Variants in RUNX1 observed in about 807,000 individuals in gnomAD.
The protein encoded by RUNX1 is RUNX family transcription factor 1.
Under a neutral mutation model 42.8 loss-of-function variants are expected in RUNX1, and 19 were observed. The observed-to-expected ratio is 0.44, with a 90% CI of 0.31 to 0.65. The LOEUF (loss-of-function observed/expected upper bound fraction) is 0.65, where lower values mean the gene tolerates loss of function less well. Among genes scored for constraint, RUNX1 ranks in the 30% least tolerant of loss-of-function variants. RUNX1 has a pLI of 0.07. For synonymous variants in RUNX1, 271 were observed against 289.4 expected (o/e 0.94, Z 0.64); for missense variants, 528 against 672.0 (o/e 0.79, Z 2.37).
chr21:34,886,855 G>A lies in RUNX1; in HGVS notation c.339C>T (p.Pro113=). 2 of 1,613,452 alleles carry A rather than the reference G, an allele frequency of 1.2e-6. No homozygotes were observed. Among genetic ancestry groups the A allele is most frequent in the Non-Finnish European group, 8.5e-7 (1 of 1,179,772 alleles). ...PTHWRCNKTL[P]IAFKVVALGD... is the part of the protein sequence containing the mutation. ...TCCGGGCCAGTACCTTGAAAGCGAT[G>A]GGCAGGGTCTTGTTGCAGCGCCAGT... Residue 113 remains proline, a synonymous_variant, in exon 4 of 9, where the codon CCC becomes CCT. Transcript: ENST00000675419.
At chr21:34,943,833 T>C (rs1002386980) in intron 2 of RUNX1, among the ~76,000 whole-genome samples, 2 of 152,176 alleles carry the variant, frequency 1.3e-5, no homozygotes, top group African/African-American at 4.8e-5. Flanking sequence ...ATTTTCACTT[T>C]ATGCTCGCCT....
chr21:34,993,412 C>A (rs1184269146), intron 2 of RUNX1, among the ~76,000 whole-genome samples: 1 of 152,090 alleles, frequency 6.6e-6, no homozygotes, highest in Admixed American at 6.5e-5. Context: ...ACCTCAGGGA[C>A]TTTCCATTTG....
At chr21:34,856,089 C>A (rs957833215) in intron 6 of RUNX1, among the ~76,000 whole-genome samples, 1 of 152,120 alleles carries the variant, frequency 6.6e-6, no homozygotes, top group African/African-American at 2.4e-5. Flanking sequence ...TTCCCTTTGG[C>A]GTATACTTTT....
intron 6 of RUNX1, among the ~76,000 whole-genome samples, chr21:34,839,388 G>A (rs1425799238): frequency 6.7e-6 from 1 of 150,290 alleles, no homozygotes; most frequent in Non-Finnish European, 1.5e-5. Flanking sequence ...AGTGTGCCTA[G>A]AAATTCAACA....
intron 6 of RUNX1, among the ~76,000 whole-genome samples, chr21:34,837,636 C>T (rs1482894921): frequency 6.6e-6 from 1 of 152,178 alleles, no homozygotes; most frequent in Non-Finnish European, 1.5e-5. Flanking sequence ...AAAATGTCTA[C>T]TATCCAATTC....
chr21:34,835,728 C>T (rs2146083815), intron 6 of RUNX1, among the ~76,000 whole-genome samples: 1 of 152,304 alleles, frequency 6.6e-6, no homozygotes, highest in East Asian at 1.9e-4. Flanking sequence ...GATTGCACAA[C>T]CTCTGTTCCC....
intron 6 of RUNX1, among the ~76,000 whole-genome samples, chr21:34,840,497 C>T (rs1208299362): frequency 3.3e-5 from 5 of 152,222 alleles, no homozygotes; most frequent in African/African-American, 9.6e-5. Context: ...TAAAAGCATC[C>T]ACAACAATTA....
intron 2 of RUNX1, among the ~76,000 whole-genome samples, chr21:34,900,483 C>T (rs998271149): frequency 2.0e-5 from 3 of 152,218 alleles, no homozygotes; most frequent in Non-Finnish European, 4.4e-5. Flanking sequence ...CGTGTTTTCC[C>T]TCTGAGCTGT....
At chr21:34,934,740 G>A (rs948601104) in intron 2 of RUNX1, among the ~76,000 whole-genome samples, 2 of 152,182 alleles carry the variant, frequency 1.3e-5, no homozygotes, top group African/African-American at 4.8e-5. Context: ...ATGGATTCAT[G>A]AGGTCAAAGC....
At chr21:35,018,644 G>T (rs2834736) in intron 2 of RUNX1, among the ~76,000 whole-genome samples, 40,570 of 152,038 alleles carry the variant, frequency 0.27, 5,679 homozygotes, top group Non-Finnish European at 0.31. Flanking sequence ...ATTAAATAAG[G>T]CACTCTGGAC....
intron 6 of RUNX1, among the ~76,000 whole-genome samples, chr21:34,858,980 A>C (rs535050507): frequency 6.6e-6 from 1 of 152,284 alleles, no homozygotes; most frequent in African/African-American, 2.4e-5. Context: ...GCCTGTAATA[A>C]GATTTTGATC....
chr21:34,984,146 A>G (rs2058867421), intron 2 of RUNX1, among the ~76,000 whole-genome samples: 1 of 152,172 alleles, frequency 6.6e-6, no homozygotes, highest in African/African-American at 2.4e-5. Flanking sequence ...AACAAGGTGG[A>G]CCAGAGAGAG....
intron 2 of RUNX1, among the ~76,000 whole-genome samples, chr21:35,013,287 C>T (rs1047650507): frequency 2.6e-5 from 4 of 152,242 alleles, no homozygotes; most frequent in Admixed American, 1.3e-4. Flanking sequence ...TGAGGCAACA[C>T]ATTTGACAGT....
At chr21:34,897,162 C>G (rs2058137182) in intron 2 of RUNX1, among the ~76,000 whole-genome samples, 1 of 152,216 alleles carries the variant, frequency 6.6e-6, no homozygotes, top group African/African-American at 2.4e-5. Flanking sequence ...ATGGATTGAT[C>G]TTTGCCCTCA....
At chr21:34,916,733 A>G (rs2058314784) in intron 2 of RUNX1, among the ~76,000 whole-genome samples, 5 of 152,152 alleles carry the variant, frequency 3.3e-5, no homozygotes, top group Admixed American at 3.3e-4. Flanking sequence ...ACGGAATGGC[A>G]CATGTTGGAT....
intron 6 of RUNX1, among the ~76,000 whole-genome samples, chr21:34,842,571 G>T (rs2057254792): frequency 6.6e-6 from 1 of 151,574 alleles, no homozygotes. Flanking sequence ...AAAAGAATAG[G>T]TCAAAGGCTC....
At chr21:34,827,913 C>T (rs1200227921) in intron 7 of RUNX1, among the ~76,000 whole-genome samples, 1 of 152,226 alleles carries the variant, frequency 6.6e-6, no homozygotes, top group Admixed American at 6.5e-5. Context: ...AATACCACTG[C>T]AGACAGTACC....
At chr21:34,823,942 G>A (rs2056948442) in intron 7 of RUNX1, among the ~76,000 whole-genome samples, 1 of 152,202 alleles carries the variant, frequency 6.6e-6, no homozygotes, top group African/African-American at 2.4e-5. Context: ...ACGGAGATCA[G>A]AATTGGAAGA....
intron 2 of RUNX1, among the ~76,000 whole-genome samples, chr21:34,998,848 T>C (rs929320046): frequency 3.3e-5 from 5 of 152,172 alleles, no homozygotes; most frequent in African/African-American, 4.8e-5. Flanking sequence ...GCCTCTTTTT[T>C]CTTAAGACCA....
Sources: allele counts gnomAD v4.1 joint callset (sites outside exome capture counted in the v4.1 genomes callset), GRCh38; gene constraint gnomAD v4.1.1; transcripts MANE v1.5; gene names NCBI Gene and HGNC (gene_info 2026-07-23, HGNC 2026-07-21).